Variants in FAM13A observed in about 807,000 individuals in gnomAD.
FAM13A encodes the protein family with sequence similarity 13 member A.
A neutral mutation model predicts 129.6 loss-of-function variants in FAM13A; 76 were observed. The ratio of observed to expected loss-of-function variants is 0.59; its 90% confidence interval spans 0.49 to 0.71. FAM13A has a LOEUF of 0.71. FAM13A is among the 30% of genes least tolerant of loss of function. FAM13A has a pLI of 0.00. For missense variants in FAM13A, 1,108 were observed against 1,249.3 expected (o/e 0.89, Z 1.70); for synonymous variants, 443 against 449.9 (o/e 0.98, Z 0.20).
intron 7 of FAM13A, among the ~76,000 whole-genome samples, chr4:88,839,576 T>C (rs1735446649): frequency 6.6e-6 from 1 of 152,310 alleles, no homozygotes; most frequent in South Asian, 2.1e-4. Flanking sequence ...CTTGTTCAAC[T>C]GGCAGGGGCA....
intron 15 of FAM13A, among the ~76,000 whole-genome samples, chr4:88,750,135 T>C (rs1371652774): frequency 6.6e-6 from 1 of 152,144 alleles, no homozygotes; most frequent in Non-Finnish European, 1.5e-5. Flanking sequence ...CATTTATAAT[T>C]AGCAAAGTAG....
intron 6 of FAM13A, among the ~76,000 whole-genome samples, chr4:88,900,326 A>G (rs1747083698): frequency 6.6e-6 from 1 of 152,068 alleles, no homozygotes; most frequent in South Asian, 2.1e-4. Flanking sequence ...GAGAAGATCA[A>G]TGCCAAGACA....
chr4:88,870,508 C>T (rs1047928460), intron 6 of FAM13A, among the ~76,000 whole-genome samples: 1 of 152,198 alleles, frequency 6.6e-6, no homozygotes, highest in Non-Finnish European at 1.5e-5. Context: ...GGGGGGGTCC[C>T]GCGCCCACAG....
chr4:88,994,995 G>T (rs1159296681), intron 3 of FAM13A, among the ~76,000 whole-genome samples: 1 of 151,862 alleles, frequency 6.6e-6, no homozygotes, highest in Admixed American at 6.6e-5. Context: ...ATAAAAGTTT[G>T]CAATGCTTCT....
chr4:88,864,715 T>C (rs1740087932), intron 6 of FAM13A, among the ~76,000 whole-genome samples: 1 of 152,210 alleles, frequency 6.6e-6, no homozygotes, highest in Admixed American at 6.5e-5. Flanking sequence ...CCATTTGTGA[T>C]CTTTTAAAAA....
At chr4:88,989,156 C>T (rs575702004) in intron 4 of FAM13A, among the ~76,000 whole-genome samples, 22 of 151,184 alleles carry the variant, frequency 1.5e-4, no homozygotes, top group Non-Finnish European at 3.1e-4. Context: ...TTCAATGAGC[C>T]GAGATCTCAC....
At chr4:88,814,012 T>TA (rs372451717) in intron 7 of FAM13A, among the ~76,000 whole-genome samples, 2 of 152,070 alleles carry the variant, frequency 1.3e-5, no homozygotes, top group African/African-American at 4.8e-5. Flanking sequence ...TTGATTATTA[T>TA]AAAAAAAGGA....
intron 3 of FAM13A, among the ~76,000 whole-genome samples, chr4:89,009,390 A>C (rs1289080310): frequency 6.6e-6 from 1 of 152,216 alleles, no homozygotes; most frequent in South Asian, 2.1e-4. Context: ...ACAGAATGTT[A>C]AAGCAGTCTT....
At chr4:89,037,035 G>C (rs1430668025) in intron 1 of FAM13A, among the ~76,000 whole-genome samples, 2 of 152,320 alleles carry the variant, frequency 1.3e-5, no homozygotes, top group East Asian at 1.9e-4. Flanking sequence ...ATGCAGAGGG[G>C]AAATGTGAGA....
At chr4:88,889,805 G>C (rs58281712) in intron 6 of FAM13A, among the ~76,000 whole-genome samples, 44,252 of 152,032 alleles carry the variant, frequency 0.29, 6,795 homozygotes, top group African/African-American at 0.39. Flanking sequence ...TTAGGGTCTT[G>C]CTGCCTAGGA....
At chr4:88,886,866 C>T (rs1744507429) in intron 6 of FAM13A, among the ~76,000 whole-genome samples, 1 of 150,866 alleles carries the variant, frequency 6.6e-6, no homozygotes, top group Non-Finnish European at 1.5e-5. Flanking sequence ...GAGATCATGC[C>T]ATTGCACTCC....
At chr4:89,007,866 A>G (rs1194317798) in intron 3 of FAM13A, among the ~76,000 whole-genome samples, 9 of 152,204 alleles carry the variant, frequency 5.9e-5, no homozygotes, top group Non-Finnish European at 7.3e-5. Flanking sequence ...ATATAAGTAA[A>G]ATATCTACTA....
chr4:88,742,678 T>A (rs905703338), intron 19 of FAM13A, among the ~76,000 whole-genome samples: 1 of 152,182 alleles, frequency 6.6e-6, no homozygotes, highest in Non-Finnish European at 1.5e-5. Flanking sequence ...CATAGTTATA[T>A]GAACAAAGCA....
At chr4:88,981,856 CT>C in intron 4 of FAM13A, among the ~76,000 whole-genome samples, 1 of 152,338 alleles carries the variant, frequency 6.6e-6, no homozygotes, top group South Asian at 2.1e-4. Flanking sequence ...AAGTCCATGT[CT>C]CTTCCTGACT....
chr4:89,053,924 T>C (rs61049728), intron 1 of FAM13A, among the ~76,000 whole-genome samples: 2,233 of 152,254 alleles, frequency 0.015, 59 homozygotes, highest in African/African-American at 0.051. Context: ...GACTCAGGAT[T>C]CACCTGAGAG....
At chr4:89,013,658 T>C (rs1766049007) in intron 3 of FAM13A, among the ~76,000 whole-genome samples, 1 of 152,210 alleles carries the variant, frequency 6.6e-6, no homozygotes, top group Non-Finnish European at 1.5e-5. Flanking sequence ...GTGGTGATGC[T>C]GGTGTAAACA....
At chr4:88,864,271 C>CA (rs1740007155) in intron 6 of FAM13A, among the ~76,000 whole-genome samples, 1 of 152,176 alleles carries the variant, frequency 6.6e-6, no homozygotes. Flanking sequence ...GAGTCATTTA[C>CA]AAGATTAGTG....
intron 18 of FAM13A, 58 bp from the exon 19 acceptor site, chr4:88,747,073 A>G: frequency 1.7e-6 from 2 of 1,149,162 alleles, no homozygotes; most frequent in Non-Finnish European, 2.6e-6. Flanking sequence ...GAACATTCCA[A>G]CTTCTTTACT....
intron 4 of FAM13A, among the ~76,000 whole-genome samples, chr4:88,974,204 C>A (rs972690291): frequency 6.6e-6 from 1 of 152,146 alleles, no homozygotes; most frequent in Non-Finnish European, 1.5e-5. Context: ...GACTTATCCA[C>A]CGGGAGCTTC....
Sources: gnomAD v4.1 joint callset for allele counts (sites outside exome capture counted in the v4.1 genomes callset) on GRCh38, gnomAD v4.1.1 for gene constraint, MANE v1.5 for transcripts, NCBI Gene and HGNC (gene_info 2026-07-23, HGNC 2026-07-21) for gene names.